The following UBE4A variants were observed in gnomAD, a reference collection of about 807,000 sequenced individuals.
The protein encoded by UBE4A is ubiquitin conjugation factor E4 A.
UBE4A carries 48 observed loss-of-function variants against 117.9 expected under a neutral mutation model. That is an observed-to-expected ratio of 0.41 (90% confidence interval 0.32 to 0.52). The LOEUF (loss-of-function observed/expected upper bound fraction) is 0.52, where lower values mean the gene tolerates loss of function less well. Ranked by LOEUF, UBE4A falls within the 20% of genes least tolerant of loss-of-function variation. The pLI is 0.33. For synonymous variants in UBE4A, 407 were observed against 450.0 expected (o/e 0.90, Z 1.21); for missense variants, 1,067 against 1,296.3 (o/e 0.82, Z 2.72).
intron 4 of UBE4A, 92 bp downstream of exon 4, chr11:118,369,627 C>A (rs2134089440): frequency 2.4e-6 from 2 of 819,588 alleles, no homozygotes; most frequent in Non-Finnish European, 3.9e-6. Context: ...TGCTTGTGTC[C>A]ATATGTCCAT....
chr11:118,361,405 T>C (rs985486562), intron 1 of UBE4A, among the ~76,000 whole-genome samples: 1 of 152,108 alleles, frequency 6.6e-6, no homozygotes, highest in Non-Finnish European at 1.5e-5. Context: ...ACCTTTAGAG[T>C]GGGTGATTAT....
intron 4 of UBE4A, among the ~76,000 whole-genome samples, chr11:118,370,216 G>A (rs770269506): frequency 2.6e-5 from 4 of 152,132 alleles, no homozygotes; most frequent in African/African-American, 9.7e-5. Flanking sequence ...CTCATGTTGC[G>A]GCTTTCTTAT....
At chr11:118,371,179 A>G (rs1948605495) in intron 4 of UBE4A, among the ~76,000 whole-genome samples, 1 of 152,234 alleles carries the variant, frequency 6.6e-6, no homozygotes, top group South Asian at 2.1e-4. Context: ...ATCTTTATAT[A>G]AGTCTGAATG....
intron 16 of UBE4A, among the ~76,000 whole-genome samples, chr11:118,387,816 G>A (rs1948773234): frequency 6.6e-6 from 1 of 152,290 alleles, no homozygotes; most frequent in Admixed American, 6.5e-5. Context: ...CCTAGGAGGA[G>A]GAAGGTGGAA....
intron 2 of UBE4A, among the ~76,000 whole-genome samples, chr11:118,367,726 C>A (rs1215270399): frequency 6.6e-6 from 1 of 151,856 alleles, no homozygotes; most frequent in Non-Finnish European, 1.5e-5. Flanking sequence ...TCTCAATCTC[C>A]TGACCTCGTG....
intron 1 of UBE4A, among the ~76,000 whole-genome samples, chr11:118,360,921 A>G (rs1948515008): frequency 6.6e-6 from 1 of 151,794 alleles, no homozygotes; most frequent in Non-Finnish European, 1.5e-5. Context: ...ACAACAGGAT[A>G]GTGTTGTATC....
intron 11 of UBE4A, among the ~76,000 whole-genome samples, chr11:118,380,134 C>CGCGTGTGT (rs1184259862): frequency 7.3e-6 from 1 of 136,938 alleles, no homozygotes; most frequent in Non-Finnish European, 1.6e-5. Context: ...TGTGTGTGTG[C>CGCGTGTGT]GTGTGTGTGT....
At position 118,379,388 on chromosome 11, in the gene UBE4A, G is replaced by GT. The variant is rs376852077; in HGVS notation, c.1572-51dup. ...AGGCTAGATAAATAATTGAGGATTT[G>GT]TTTTTTTGTGACTTTCTGTTTTCCC... is the stretch of plus-strand genomic sequence containing the variant. On this transcript the variant is annotated intron_variant, in intron 10 of 19. Transcript: ENST00000252108. 823 of 1,526,508 alleles carry GT rather than the reference G, an allele frequency of 5.4e-4. 7 individuals are homozygous for GT. The African/African-American group carries it at 0.01, about 19-fold the overall frequency. The allele number at this position is 1,526,508 out of a possible 1,614,324, so 94.6% of individuals were successfully genotyped here.
rs529525970 is a variant in UBE4A, at chr11:118,366,571, G to C, written c.121+1370G>C. Among the ~76,000 whole-genome samples, 53 of 152,258 alleles carry C rather than the reference G, an allele frequency of 3.5e-4. No individual in the cohort carries two copies. In the South Asian group the frequency reaches 0.011, roughly 31 times the overall value. On this transcript the variant is annotated intron_variant, in intron 2 of 19. Coordinates refer to ENST00000252108, the MANE Select transcript of UBE4A (RefSeq NM_001204077.2). ...TACACTGAGTTTATCATGCCACCAG[G>C]TCCAACCTGTTTCCACTAGCAATTA...
intron 4 of UBE4A, 87 bp downstream of exon 4, chr11:118,369,622 G>T: frequency 8.5e-6 from 7 of 824,846 alleles, no homozygotes; most frequent in Non-Finnish European, 1.4e-5. Context: ...ACTTATGCTT[G>T]TGTCCATATG....
chr11:118,372,025 C>CG (rs1291754006), intron 5 of UBE4A, among the ~76,000 whole-genome samples: 2 of 152,110 alleles, frequency 1.3e-5, no homozygotes, highest in African/African-American at 4.8e-5. Flanking sequence ...TTTGGGAGGC[C>CG]GATGCAGGCG....
rs1948887870 is a variant in UBE4A, at chr11:118,397,711, A to G, written c.*1271A>G. On this transcript the variant is annotated 3_prime_UTR_variant, in exon 20 of 20. Transcript: ENST00000252108. ...TCTAAGCCCAGAGATGTCATAAGTG[A>G]CAAGAAAAGTGATAGGATCAAGAAA... 6.6e-6 allele frequency: 1 copy of G among 152,246 alleles called. No homozygotes were observed. Among genetic ancestry groups the G allele is most frequent in the African/African-American group, 2.4e-5 (1 of 41,474 alleles). The allele number at this position is 152,246 out of a possible 1,614,324, so 9.4% of individuals were successfully genotyped here. A position where few individuals can be genotyped will look rare whatever the true frequency, so the allele number is the denominator to read the frequency against.
chr11:118,381,672 G>A (rs1473365503), intron 12 of UBE4A, 149 bp downstream of exon 12: 5 of 1,069,288 alleles, frequency 4.7e-6, no homozygotes, highest in Non-Finnish European at 6.6e-6. Flanking sequence ...ATCCATATGG[G>A]TAGCCAGAAA....
chr11:118,384,059 C>CCAGA (rs1948732120), intron 13 of UBE4A, among the ~76,000 whole-genome samples: 1 of 152,064 alleles, frequency 6.6e-6, no homozygotes, highest in Non-Finnish European at 1.5e-5. Context: ...TTAAGCAGAG[C>CCAGA]CAGAATGAAA....
intron 1 of UBE4A, among the ~76,000 whole-genome samples, chr11:118,361,634 T>G (rs971715329): frequency 6.6e-6 from 1 of 152,228 alleles, no homozygotes; most frequent in Admixed American, 6.5e-5. Flanking sequence ...CCTTTTTGTT[T>G]TTTACAGATA....
intron 1 of UBE4A, among the ~76,000 whole-genome samples, chr11:118,361,689 A>G (rs911331141): frequency 6.6e-6 from 1 of 152,248 alleles, no homozygotes; most frequent in African/African-American, 2.4e-5. Flanking sequence ...CATTCTACAC[A>G]TGCCAAGATA....
chr11:118,392,906 C>A lies in UBE4A; in HGVS notation c.3074+11C>A. On this transcript the variant is annotated intron_variant, in intron 19 of 19. Coordinates refer to ENST00000252108, the MANE Select transcript of UBE4A (RefSeq NM_001204077.2). The stretch of plus-strand genomic sequence containing the variant: ...AAGACATTTGCTCAGGTAGGCCAGT[C>A]CCAAAAACAGACTCAAGAGCATATA... 6.2e-7 allele frequency: 1 copy of A among 1,610,938 alleles called. No individual in the cohort carries two copies. The highest frequency in any genetic ancestry group is 1.1e-5 in the South Asian group (1 of 90,538).
chr11:118,382,899 G>T (rs1189107946), intron 13 of UBE4A, 123 bp downstream of exon 13: 1 of 887,502 alleles, frequency 1.1e-6, no homozygotes, highest in South Asian at 4.5e-5. Context: ...CCTACTATAT[G>T]CCAGGCTTGA....
At chr11:118,375,266 G>T in intron 9 of UBE4A, 37 bp downstream of exon 9, 1 of 1,536,080 alleles carries the variant, frequency 6.5e-7, no homozygotes, top group Non-Finnish European at 8.8e-7. Context: ...CTGTGTGTGT[G>T]TGTGTGTGTA....
Sources: allele counts gnomAD v4.1 joint callset (sites outside exome capture counted in the v4.1 genomes callset), GRCh38; gene constraint gnomAD v4.1.1; transcripts MANE v1.5; gene names NCBI Gene and HGNC (gene_info 2026-07-23, HGNC 2026-07-21).